The following CDK15 variants were observed in gnomAD, a reference collection of about 807,000 sequenced individuals.
CDK15 encodes the protein cyclin dependent kinase 15, also known as cyclin-dependent kinase 15.
In CDK15, 62 loss-of-function variants were observed where a neutral mutation model predicts 60.3. The observed-to-expected ratio is 1.03, with a 90% CI of 0.84 to 1.27. The LOEUF (loss-of-function observed/expected upper bound fraction) is 1.27, where lower values mean the gene tolerates loss of function less well. Among genes scored for constraint, CDK15 ranks in the 50% most tolerant of loss-of-function variants. CDK15 has a pLI of 0.00. For missense variants in CDK15, 541 were observed against 527.8 expected (o/e 1.03, Z -0.25); for synonymous variants, 194 against 195.7 (o/e 0.99, Z 0.07).
At chr2:201,838,283 T>C (rs1388945548) in intron 8 of CDK15, among the ~76,000 whole-genome samples, 2 of 152,118 alleles carry the variant, frequency 1.3e-5, no homozygotes, top group East Asian at 1.9e-4. Context: ...CACTGGCATC[T>C]AGTGGGTAGA....
chr2:201,830,048 T>C (rs2105730460), intron 6 of CDK15, among the ~76,000 whole-genome samples: 1 of 152,272 alleles, frequency 6.6e-6, no homozygotes, highest in East Asian at 1.9e-4. Flanking sequence ...CCTTGAGTGA[T>C]TCACCTGCCT....
intron 3 of CDK15, 74 bp downstream of exon 3, chr2:201,808,026 G>A (rs1290969130): frequency 1.5e-6 from 2 of 1,301,794 alleles, no homozygotes; most frequent in Non-Finnish European, 2.2e-6. Flanking sequence ...ATAAAGCCAG[G>A]TGAGACATCA....
At chr2:201,827,969 AG>A (rs1220528991) in intron 6 of CDK15, among the ~76,000 whole-genome samples, 79 of 152,236 alleles carry the variant, frequency 5.2e-4, no homozygotes, top group Non-Finnish European at 1.6e-4. Context: ...ATATTATGGT[AG>A]TGACAATAAG....
intron 8 of CDK15, among the ~76,000 whole-genome samples, chr2:201,837,073 C>G (rs763358164): frequency 6.6e-6 from 1 of 151,860 alleles, no homozygotes; most frequent in Non-Finnish European, 1.5e-5. Flanking sequence ...GCTGGAGGAT[C>G]GATTGCTTCA....
chr2:201,862,353 C>G (rs946932111), intron 10 of CDK15, among the ~76,000 whole-genome samples: 1 of 152,022 alleles, frequency 6.6e-6, no homozygotes, highest in African/African-American at 2.4e-5. Context: ...ACAGAGCACA[C>G]CTGACCACTT....
chr2:201,861,353 A>G (rs1698384209), intron 10 of CDK15: 2 of 988,426 alleles, frequency 2.0e-6, no homozygotes, highest in African/African-American at 1.7e-5. Flanking sequence ...CTAGGCTCAC[A>G]GAGAGGTGTA....
At chr2:201,848,476 C>T (rs536386794) in intron 9 of CDK15, among the ~76,000 whole-genome samples, 10 of 152,208 alleles carry the variant, frequency 6.6e-5, no homozygotes, top group East Asian at 3.9e-4. Context: ...CCACCATCAC[C>T]GCCATCCATT....
At chr2:201,822,295 T>G (rs1696263339) in intron 4 of CDK15, among the ~76,000 whole-genome samples, 1 of 152,218 alleles carries the variant, frequency 6.6e-6, no homozygotes, top group Admixed American at 6.5e-5. Flanking sequence ...CTATCATGTT[T>G]CAACAGTTCT....
chr2:201,840,934 C>G (rs1428100682), intron 8 of CDK15, among the ~76,000 whole-genome samples: 1 of 152,122 alleles, frequency 6.6e-6, no homozygotes, highest in East Asian at 1.9e-4. Flanking sequence ...CTTTCATCAG[C>G]CATTTTCTTT....
chr2:201,890,784 G>A lies in CDK15; in HGVS notation c.1199-1G>A. The A allele has an allele frequency of 1.2e-6, 2 of 1,607,346 alleles. No homozygotes were observed. Among genetic ancestry groups the A allele is most frequent in the African/African-American group, 1.3e-5 (1 of 74,846 alleles). On this transcript the variant is annotated splice_acceptor_variant, in intron 12 of 13. Coordinates refer to ENST00000652192, the MANE Select transcript of CDK15 (RefSeq NM_001366386.2). LOFTEE classifies it high-confidence loss of function. Reference sequence around the variant, plus strand: ...GTGCTTCTCTCTTTTCATTCCTACAGAGGAGTCTTTGTTTACAGTTTCAGG... The same window carrying A: ...GTGCTTCTCTCTTTTCATTCCTACAAAGGAGTCTTTGTTTACAGTTTCAGG...
chr2:201,845,528 G>C (rs1697612515), intron 8 of CDK15, among the ~76,000 whole-genome samples: 1 of 145,864 alleles, frequency 6.9e-6, no homozygotes, highest in Non-Finnish European at 1.5e-5. Context: ...TAGGCAGGCA[G>C]ATTGCTTGAG....
chr2:201,814,053 A>G (rs904964509), intron 4 of CDK15, among the ~76,000 whole-genome samples: 4 of 152,368 alleles, frequency 2.6e-5, no homozygotes, highest in African/African-American at 9.6e-5. Context: ...GGTCACCCGC[A>G]TAAGAGGAAG....
At chr2:201,877,538 C>T (rs1699124423) in intron 11 of CDK15, among the ~76,000 whole-genome samples, 1 of 152,184 alleles carries the variant, frequency 6.6e-6, no homozygotes. Context: ...GGTGGACCAG[C>T]TAAAATTTGT....
rs556959756 is a variant in CDK15, at chr2:201,832,926, C to T, written c.607-922C>T. 4.9e-4 allele frequency among the ~76,000 whole-genome samples: 75 copies of T among 152,352 alleles called. 1 individual carries two copies. The highest frequency in any genetic ancestry group is 1.5e-3 in the African/African-American group (63 of 41,582). On this transcript the variant is annotated intron_variant, in intron 6 of 13. Coordinates refer to ENST00000652192, the MANE Select transcript of CDK15 (RefSeq NM_001366386.2). ...CCAGAACACGTTCTCAGTTGACATA[C>T]GTCTTTGTAAATACTGATGTTGGTG...
At position 201,821,939 on chromosome 2, in the gene CDK15, C is replaced by T. The variant is rs184794468; in HGVS notation, c.449-870C>T. 5.2e-3 allele frequency among the ~76,000 whole-genome samples: 791 copies of T among 152,222 alleles called. 3 individuals carry two copies. Among genetic ancestry groups the T allele is most frequent in the Non-Finnish European group, 9.2e-3 (625 of 68,012 alleles). On this transcript the variant is annotated intron_variant, in intron 4 of 13. Transcript: ENST00000652192. ...CAGGTGATCCACCCACCTCGGCCTC[C>T]CTGAGTGCTGGGATCACAAGCATGC...
At chr2:201,829,900 T>C (rs1163978057) in intron 6 of CDK15, among the ~76,000 whole-genome samples, 1 of 152,156 alleles carries the variant, frequency 6.6e-6, no homozygotes, top group Non-Finnish European at 1.5e-5. Context: ...CTCCGCTTCC[T>C]GGGTTCAAGG....
intron 6 of CDK15, among the ~76,000 whole-genome samples, chr2:201,833,500 A>C (rs1268316027): frequency 6.6e-6 from 1 of 152,082 alleles, no homozygotes; most frequent in African/African-American, 2.4e-5. Flanking sequence ...GTGGGGAAAA[A>C]AATTAAATCT....
At chr2:201,855,113 A>G (rs1249112640) in intron 10 of CDK15, among the ~76,000 whole-genome samples, 176 bp downstream of exon 10, 3 of 152,238 alleles carry the variant, frequency 2.0e-5, no homozygotes, top group Non-Finnish European at 4.4e-5. Flanking sequence ...CTGAAAGAGT[A>G]GCTGAGGTTA....
At chr2:201,807,666 T>G in intron 2 of CDK15, 23 bp downstream of exon 2, 1 of 1,613,576 alleles carries the variant, frequency 6.2e-7, no homozygotes, top group Non-Finnish European at 8.5e-7. Context: ...CTGATGTTGA[T>G]CAAGAAGAAT....
Sources: gnomAD v4.1 joint callset for allele counts (sites outside exome capture counted in the v4.1 genomes callset) on GRCh38, gnomAD v4.1.1 for gene constraint, MANE v1.5 for transcripts, NCBI Gene and HGNC (gene_info 2026-07-23, HGNC 2026-07-21) for gene names.